Variants in MMS19 observed in about 807,000 individuals in gnomAD.
The protein encoded by MMS19 is MMS19 cytosolic iron-sulfur assembly component, also known as MMS19 nucleotide excision repair protein homolog.
MMS19 carries 77 observed loss-of-function variants against 129.8 expected under a neutral mutation model. The observed-to-expected ratio is 0.59, with a 90% CI of 0.49 to 0.72. MMS19 has a LOEUF of 0.72. MMS19 is among the 30% of genes least tolerant of loss of function. The pLI is 0.00. For synonymous variants in MMS19, 491 were observed against 502.8 expected, an observed-to-expected ratio of 0.98 and a Z score of 0.31; for missense variants, 1,168 against 1,266.3, an observed-to-expected ratio of 0.92 and a Z score of 1.18.
chr10:97,494,761 T>A (rs2039495695), intron 1 of MMS19, among the ~76,000 whole-genome samples: 1 of 152,248 alleles, frequency 6.6e-6, no homozygotes, highest in Non-Finnish European at 1.5e-5. Context: ...CTTTTCCTCA[T>A]CCTCTGGTTC....
At chr10:97,469,762 C>CA (rs753500005) in intron 10 of MMS19, 39 bp from the exon 11 acceptor site, 7 of 1,576,204 alleles carry the variant, frequency 4.4e-6, no homozygotes, top group African/African-American at 1.3e-5. Context: ...TGTACACACT[C>CA]AGACACCCTA....
intron 18 of MMS19, 84 bp downstream of exon 18, chr10:97,465,721 G>T: frequency 7.7e-7 from 1 of 1,297,842 alleles, no homozygotes; most frequent in Non-Finnish European, 1.1e-6. Context: ...TTACTCTTAT[G>T]TATAGCTACA....
At chr10:97,485,405 C>T (rs376618312) in intron 1 of MMS19, among the ~76,000 whole-genome samples, 3 of 151,294 alleles carry the variant, frequency 2.0e-5, no homozygotes, top group South Asian at 2.1e-4. Flanking sequence ...CTCCGCCTCC[C>T]GGGTTCAAGC....
rs2035293097 is a variant in MMS19, at chr10:97,474,093, C to CT, written c.684+2589_684+2590insA. Among the ~76,000 whole-genome samples, 16 of 141,494 alleles carry CT rather than the reference C, an allele frequency of 1.1e-4. No individual in the cohort carries two copies. In the Admixed American group the frequency reaches 1.2e-3, roughly 10 times the overall value. 92.8% of individuals were successfully genotyped at this position (141,494 alleles called of 152,430 possible). On this transcript the variant is annotated intron_variant, in intron 8 of 30. Coordinates refer to ENST00000438925, the MANE Select transcript of MMS19 (RefSeq NM_022362.5). ...CCAGAGTCCAGAGAGGTGGAGGCTG[C>CT]AGTGAGCTGTGATGGTGCCACTACA...
At chr10:97,496,017 G>C (rs2039715999) in intron 1 of MMS19, among the ~76,000 whole-genome samples, 1 of 152,168 alleles carries the variant, frequency 6.6e-6, no homozygotes, top group African/African-American at 2.4e-5. Flanking sequence ...CTGGGCTCAA[G>C]CAATCCGCCT....
At position 97,465,969 on chromosome 10, in the gene MMS19, T is replaced by C. The variant is rs1325745560; in HGVS notation, c.1607-15A>G. 6.2e-7 allele frequency: 1 copy of C among 1,613,378 alleles called. No individual in the cohort carries two copies. Among genetic ancestry groups the C allele is most frequent in the Admixed American group, 1.7e-5 (1 of 59,994 alleles). On this transcript the variant is annotated splice_polypyrimidine_tract_variant and intron_variant, in intron 17 of 30. Transcript: ENST00000438925. ...ATTTGACTCCCCTGAAAGCAACCCA[T>C]GAGACAAAGGTTTACTGTGTGATAG...
chr10:97,479,614 C>G (rs1475493981), intron 3 of MMS19, among the ~76,000 whole-genome samples: 2 of 152,146 alleles, frequency 1.3e-5, no homozygotes, highest in African/African-American at 4.8e-5. Context: ...CTGAACATGC[C>G]TAGTCCAACA....
chr10:97,481,126 AC>A (rs2036720209), intron 2 of MMS19, 84 bp from the exon 3 acceptor site: 2 of 881,478 alleles, frequency 2.3e-6, no homozygotes, highest in Admixed American at 4.6e-5. Flanking sequence ...AGTCACACTC[AC>A]CCCCTGGGCA....
At chr10:97,468,711 C>T (rs774218597) in intron 12 of MMS19, among the ~76,000 whole-genome samples, 29 of 152,152 alleles carry the variant, frequency 1.9e-4, no homozygotes, top group South Asian at 1.0e-3. Context: ...CCTTTTCAAG[C>T]GATTCTCCTG....
chr10:97,477,327 C>G lies in MMS19; in HGVS notation c.493+20G>C. On this transcript the variant is annotated intron_variant, in intron 6 of 30. Transcript: ENST00000438925. Reference sequence around the variant, plus strand: ...GGATGTGCTTGCTTTTGACATTTCCCAGAAAGCTCTGTCTCTTACCTTCTT... The same window carrying G: ...GGATGTGCTTGCTTTTGACATTTCCGAGAAAGCTCTGTCTCTTACCTTCTT... 1 of 1,613,862 alleles carries G rather than the reference C, an allele frequency of 6.2e-7. No individual in the cohort carries two copies. The highest frequency in any genetic ancestry group is 1.1e-5 in the South Asian group (1 of 91,068).
chr10:97,490,288 C>T (rs958063464), intron 1 of MMS19, among the ~76,000 whole-genome samples: 10 of 152,226 alleles, frequency 6.6e-5, no homozygotes, highest in Non-Finnish European at 1.5e-4. Flanking sequence ...CCATGTTGCC[C>T]AGGCTGGTCT....
In MMS19 at chr10:97,460,141, C is replaced by T. The variant is rs372694521; in HGVS notation, c.2561G>A (p.Arg854His). The T allele has an allele frequency of 5.3e-5, 86 of 1,613,854 alleles. No individual in the cohort carries two copies. Among genetic ancestry groups the T allele is most frequent in the South Asian group, 7.7e-5 (7 of 91,084 alleles). The change falls in exon 26 of 31, where the codon CGT (arginine) becomes CAT (histidine). Residue 854 changes from arginine (R) to histidine (H), a missense_variant. By Grantham distance (29) the Arg-to-His change is conservative (BLOSUM62 0). Around this residue, in one of 3 missense-constraint regions of MMS19, gnomAD observed 831 missense variants for 910.8 expected, o/e 0.91. Transcript: ENST00000438925. Reference sequence around the variant, plus strand: ...GATCCGCACTTCGGCATGGCCAGCACGAGTCAGCACATCAGTGCAGTCAGA... The same window carrying T: ...GATCCGCACTTCGGCATGGCCAGCATGAGTCAGCACATCAGTGCAGTCAGA... ...LMSDCTDVLT[R>H]AGHAEVRIMF...
upstream of MMS19, chr10:97,498,770 G>T: frequency 3.6e-6 from 1 of 281,012 alleles, no homozygotes; most frequent in South Asian, 6.2e-5. Context: ...CACCTGGGGC[G>T]GGTGGTGGCG....
intron 1 of MMS19, among the ~76,000 whole-genome samples, chr10:97,491,490 C>G (rs1036307862): frequency 1.3e-5 from 2 of 151,402 alleles, no homozygotes; most frequent in African/African-American, 4.9e-5. Context: ...TATGGTGAAA[C>G]CCCATCTCTA....
In MMS19 at chr10:97,470,167, C is replaced by G. The variant is rs757376170; in HGVS notation, c.808G>C (p.Glu270Gln). 1.2e-6 allele frequency: 2 copies of G among 1,610,082 alleles called. No homozygotes were observed. The highest frequency in any genetic ancestry group is 1.7e-6 in the Non-Finnish European group (2 of 1,178,208). ...GAATCCAACTTGGCACTCAGAACCT[C>G]AGAATCCACTTTCTCAATCAACAGG... ...LPLLIEKVDS[E>Q]VLSAKLDSLQ... Residue 270 changes from glutamate to glutamine, a missense_variant, in exon 10 of 31, where the codon GAG becomes CAG. Coordinates refer to ENST00000438925, the MANE Select transcript of MMS19 (RefSeq NM_022362.5).
intron 1 of MMS19, among the ~76,000 whole-genome samples, chr10:97,495,086 A>AG (rs1288172751): frequency 6.6e-6 from 1 of 152,152 alleles, no homozygotes; most frequent in African/African-American, 2.4e-5. Flanking sequence ...ACCCTTGGGG[A>AG]GGGGTAGGGA....
chr10:97,476,081 C>T (rs185199142), intron 8 of MMS19, among the ~76,000 whole-genome samples: 47 of 152,308 alleles, frequency 3.1e-4, no homozygotes, highest in African/African-American at 1.1e-3. Flanking sequence ...CACACACACC[C>T]ACACGGTGAT....
At chr10:97,476,309 C>T (rs1000875691) in intron 8 of MMS19, among the ~76,000 whole-genome samples, 1 of 152,240 alleles carries the variant, frequency 6.6e-6, no homozygotes, top group African/African-American at 2.4e-5. Context: ...ACTGTGAAGT[C>T]AGTTCCTGCC....
intron 1 of MMS19, among the ~76,000 whole-genome samples, chr10:97,488,595 C>A (rs749253287): frequency 1.1e-4 from 16 of 152,210 alleles, no homozygotes; most frequent in Non-Finnish European, 2.2e-4. Context: ...TAAATCATCT[C>A]TAGATTACTC....
Sources: allele counts gnomAD v4.1 joint callset (sites outside exome capture counted in the v4.1 genomes callset), GRCh38; gene constraint gnomAD v4.1.1; regional missense constraint gnomAD v4.1.1; transcripts MANE v1.5; gene names NCBI Gene and HGNC (gene_info 2026-07-23, HGNC 2026-07-21).